Variants in LGSN observed in about 807,000 individuals in gnomAD.
LGSN encodes lengsin.
Under a neutral mutation model 19.5 loss-of-function variants are expected in LGSN, and 21 were observed. That is an observed-to-expected ratio of 1.07 (90% CI 0.76 to 1.55). The LOEUF is 1.55. Among genes scored for constraint, LGSN ranks in the 40% most tolerant of loss-of-function variants. The pLI is 0.00. For missense variants in LGSN, 673 were observed against 608.5 expected, an observed-to-expected ratio of 1.11 and a Z score of -1.12; for synonymous variants, 257 against 215.6, an observed-to-expected ratio of 1.19 and a Z score of -1.68.
chr6:63,415,296 G>A, the LGSN span, among the ~76,000 whole-genome samples: 2 of 152,134 alleles, frequency 1.3e-5, no homozygotes, highest in Non-Finnish European at 2.9e-5. Flanking sequence ...ACTTCAGCCT[G>A]GGAAACAGAG....
At chr6:63,528,908 G>A in the LGSN span, among the ~76,000 whole-genome samples, 14 of 152,018 alleles carry the variant, frequency 9.2e-5, no homozygotes, top group Non-Finnish European at 1.9e-4. Context: ...GACTAACATG[G>A]TGAAACCCCA....
chr6:63,490,577 A>G, the LGSN span, among the ~76,000 whole-genome samples: 1 of 151,574 alleles, frequency 6.6e-6, no homozygotes, highest in Non-Finnish European at 1.5e-5. Flanking sequence ...TTTTTTATTT[A>G]TTATTATTAT....
chr6:63,298,219 C>G (rs2254662), intron 1 of LGSN, among the ~76,000 whole-genome samples: 1,792 of 152,312 alleles, frequency 0.012, 20 homozygotes, highest in African/African-American at 0.04. Context: ...ATCTGTTGCT[C>G]TCTCGAATCA....
the LGSN span, among the ~76,000 whole-genome samples, chr6:63,545,615 A>T: frequency 6.6e-6 from 1 of 152,156 alleles, no homozygotes; most frequent in Non-Finnish European, 1.5e-5. Flanking sequence ...TGTCTCAAAA[A>T]AAAAAAGGAA....
chr6:63,431,058 G>A, the LGSN span, among the ~76,000 whole-genome samples: 1 of 152,060 alleles, frequency 6.6e-6, no homozygotes, highest in South Asian at 2.1e-4. Context: ...CTAAAACTTT[G>A]TAGTCTACAA....
intron 1 of LGSN, among the ~76,000 whole-genome samples, chr6:63,314,623 A>C (rs923154480): frequency 6.6e-6 from 1 of 152,190 alleles, no homozygotes; most frequent in African/African-American, 2.4e-5. Flanking sequence ...TTCAATCTAA[A>C]ACTGATTTTA....
the LGSN span, among the ~76,000 whole-genome samples, chr6:63,357,044 A>AT: frequency 7.8e-6 from 1 of 129,024 alleles, no homozygotes; most frequent in Non-Finnish European, 1.5e-5. Context: ...ATGTGTTCTC[A>AT]TTGTTCAATT....
chr6:63,349,914 T>G, the LGSN span, among the ~76,000 whole-genome samples: 1 of 152,160 alleles, frequency 6.6e-6, no homozygotes, highest in Non-Finnish European at 1.5e-5. Flanking sequence ...CTGGTGGCAT[T>G]TAGGGATAAG....
the LGSN span, among the ~76,000 whole-genome samples, chr6:63,424,388 T>A: frequency 6.6e-6 from 1 of 151,936 alleles, no homozygotes; most frequent in African/African-American, 2.4e-5. Context: ...TGGAGAATTC[T>A]ACCAAATATT....
At chr6:63,500,107 A>T in the LGSN span, among the ~76,000 whole-genome samples, 3 of 152,040 alleles carry the variant, frequency 2.0e-5, no homozygotes, top group African/African-American at 7.2e-5. Context: ...CCCTCAGCTC[A>T]CTTTAATAAG....
At chr6:63,418,404 T>C in the LGSN span, among the ~76,000 whole-genome samples, 5 of 151,934 alleles carry the variant, frequency 3.3e-5, no homozygotes, top group African/African-American at 7.3e-5. Context: ...CTACTAAAAA[T>C]ACAAAAATTA....
At chr6:63,385,881 C>A in the LGSN span, among the ~76,000 whole-genome samples, 1 of 152,088 alleles carries the variant, frequency 6.6e-6, no homozygotes, top group African/African-American at 2.4e-5. Context: ...TAAGTAATGG[C>A]AAATTCCTGA....
the LGSN span, among the ~76,000 whole-genome samples, chr6:63,464,389 T>A: frequency 6.6e-6 from 1 of 152,130 alleles, no homozygotes; most frequent in South Asian, 2.1e-4. Context: ...CAGGCTAATA[T>A]CTATTTTGAA....
the LGSN span, among the ~76,000 whole-genome samples, chr6:63,428,476 C>T: frequency 2.0e-5 from 3 of 152,096 alleles, no homozygotes; most frequent in African/African-American, 4.8e-5. Flanking sequence ...CTCAGCCTCC[C>T]GAGTAGCTGG....
chr6:63,428,531 A>C, the LGSN span, among the ~76,000 whole-genome samples: 3 of 152,008 alleles, frequency 2.0e-5, no homozygotes, highest in South Asian at 6.2e-4. Context: ...TTGTATTTTT[A>C]GTAGAGACGG....
chr6:63,547,899 C>T, the LGSN span, among the ~76,000 whole-genome samples: 2 of 152,140 alleles, frequency 1.3e-5, no homozygotes, highest in South Asian at 2.1e-4. Context: ...TATTTAAAAA[C>T]CACAAATTTG....
At chr6:63,538,490 G>C in the LGSN span, among the ~76,000 whole-genome samples, 1 of 152,160 alleles carries the variant, frequency 6.6e-6, no homozygotes, top group Non-Finnish European at 1.5e-5. Context: ...GAGACACTAA[G>C]TGATAAAGTT....
At chr6:63,377,372 G>A in the LGSN span, among the ~76,000 whole-genome samples, 27 of 152,200 alleles carry the variant, frequency 1.8e-4, no homozygotes, top group African/African-American at 6.3e-4. Context: ...ATTTTCCACA[G>A]CTTTCCAGAT....
At chr6:63,548,280 AC>A in the LGSN span, among the ~76,000 whole-genome samples, 2 of 152,210 alleles carry the variant, frequency 1.3e-5, no homozygotes, top group African/African-American at 4.8e-5. Flanking sequence ...GTGTGACATA[AC>A]TTTTCTGTAC....
Sources: gnomAD v4.1 joint callset for allele counts (sites outside exome capture counted in the v4.1 genomes callset) on GRCh38, gnomAD v4.1.1 for gene constraint, MANE v1.5 for transcripts, NCBI Gene and HGNC (gene_info 2026-07-23, HGNC 2026-07-21) for gene names.